The following CDYL2 variants were observed in gnomAD, a reference collection of about 807,000 sequenced individuals.
CDYL2 encodes chromodomain Y-like protein 2.
Under a neutral mutation model 49.4 loss-of-function variants are expected in CDYL2, and 23 were observed. The observed-to-expected ratio is 0.47, with a 90% CI of 0.34 to 0.66. The LOEUF (loss-of-function observed/expected upper bound fraction) is 0.66. Ranked by LOEUF, CDYL2 falls within the 30% of genes least tolerant of loss-of-function variation. The probability of loss-of-function intolerance (pLI) is 0.01; values close to 1 mark genes in which losing one functional copy is unlikely to be tolerated. For missense variants in CDYL2, 678 were observed against 656.4 expected, an observed-to-expected ratio of 1.03 and a Z score of -0.36; for synonymous variants, 360 against 268.8, an observed-to-expected ratio of 1.34 and a Z score of -3.32.
intron 1 of CDYL2, among the ~76,000 whole-genome samples, chr16:80,704,587 C>T (rs958754249): frequency 2.0e-5 from 3 of 152,196 alleles, no homozygotes; most frequent in African/African-American, 7.2e-5. Flanking sequence ...TACAAGGTAG[C>T]CAACCTGGTC....
intron 1 of CDYL2, among the ~76,000 whole-genome samples, chr16:80,801,953 CTA>C (rs1461337984): frequency 6.6e-6 from 1 of 152,110 alleles, no homozygotes; most frequent in African/African-American, 2.4e-5. Context: ...TTAGTAATGA[CTA>C]TGCAAATAAT....
chr16:80,707,335 G>A (rs1053037730), intron 1 of CDYL2, among the ~76,000 whole-genome samples: 3 of 151,946 alleles, frequency 2.0e-5, no homozygotes, highest in African/African-American at 4.8e-5. Flanking sequence ...TGGGGCTGGC[G>A]TGTGTCTGTC....
intron 6 of CDYL2, among the ~76,000 whole-genome samples, chr16:80,607,498 G>A (rs1029912564): frequency 6.6e-6 from 1 of 152,190 alleles, no homozygotes; most frequent in African/African-American, 2.4e-5. Flanking sequence ...GGCCGCAGGA[G>A]TGGCCTTGTC....
At position 80,804,338 on chromosome 16, in the gene CDYL2, G is replaced by A. The variant is rs1352053368; in HGVS notation, c.-165C>T. The A allele has an allele frequency of 7.9e-6, 3 of 378,256 alleles. No individual in the cohort carries two copies. Among genetic ancestry groups the A allele is most frequent in the Non-Finnish European group, 1.2e-5 (3 of 246,688 alleles). The allele number at this position is 378,256 out of a possible 1,614,324, so 23.4% of individuals were successfully genotyped here. A position where few individuals can be genotyped will look rare whatever the true frequency, so the allele number is the denominator to read the frequency against. On this transcript the variant is annotated 5_prime_UTR_variant, in exon 1 of 7. Transcript: ENST00000570137. ...TTTTTGCAGAATGACAGGCTTGGGG[G>A]CTGCCTATGCGCAGAATCAGAGCGG...
intron 1 of CDYL2, among the ~76,000 whole-genome samples, chr16:80,689,896 G>A (rs554026401): frequency 1.4e-4 from 22 of 152,174 alleles, no homozygotes; most frequent in Non-Finnish European, 2.6e-4. Flanking sequence ...TGAGGTGGCC[G>A]GATCACCTGA....
intron 2 of CDYL2, among the ~76,000 whole-genome samples, chr16:80,682,201 G>C (rs987999651): frequency 1.3e-5 from 2 of 152,116 alleles, no homozygotes; most frequent in African/African-American, 4.8e-5. Context: ...TTAAGCAAAA[G>C]GGCCCTTTTG....
intron 1 of CDYL2, among the ~76,000 whole-genome samples, chr16:80,766,771 T>C (rs1305776760): frequency 6.6e-6 from 1 of 152,022 alleles, no homozygotes; most frequent in Non-Finnish European, 1.5e-5. Flanking sequence ...AAAAAGAAAG[T>C]GTAAAAAGCA....
At chr16:80,679,777 C>T in intron 2 of CDYL2, 1 of 456,128 alleles carries the variant, frequency 2.2e-6, no homozygotes, top group Non-Finnish European at 4.4e-6. Context: ...TCTCCGCCAT[C>T]TTGGAGCTCA....
intron 1 of CDYL2, among the ~76,000 whole-genome samples, chr16:80,690,809 C>T (rs1406924680): frequency 1.3e-5 from 2 of 152,150 alleles, no homozygotes; most frequent in African/African-American, 2.4e-5. Flanking sequence ...AGCCACAGGG[C>T]CTCCTCTCCC....
chr16:80,746,850 C>T (rs998654694), intron 1 of CDYL2, among the ~76,000 whole-genome samples: 1 of 152,136 alleles, frequency 6.6e-6, no homozygotes, highest in Non-Finnish European at 1.5e-5. Flanking sequence ...ACTGAGCAGA[C>T]TTTAACAACT....
chr16:80,630,611 C>A (rs758275958), intron 3 of CDYL2, among the ~76,000 whole-genome samples: 1 of 152,082 alleles, frequency 6.6e-6, no homozygotes, highest in African/African-American at 2.4e-5. Flanking sequence ...GAGGTCTACA[C>A]AGCAGAGAAC....
At chr16:80,696,855 G>A (rs1052005421) in intron 1 of CDYL2, among the ~76,000 whole-genome samples, 2 of 152,112 alleles carry the variant, frequency 1.3e-5, no homozygotes, top group Non-Finnish European at 2.9e-5. Flanking sequence ...GGAGGGCCCA[G>A]GCATGGTGTC....
chr16:80,712,052 G>C (rs560786955), intron 1 of CDYL2, among the ~76,000 whole-genome samples: 1 of 148,998 alleles, frequency 6.7e-6, no homozygotes, highest in Non-Finnish European at 1.5e-5. Context: ...TGTGTATATA[G>C]ATGTGTGTGT....
At chr16:80,712,187 G>GTATATATATATATATATATATATATA (rs1464649825) in intron 1 of CDYL2, among the ~76,000 whole-genome samples, 7 of 38,088 alleles carry the variant, frequency 1.8e-4, no homozygotes, top group South Asian at 8.5e-4. Context: ...TTGTGTCTGT[G>GTATATATATATATATATATATATATA]TGTGTATATA....
chr16:80,618,653 G>A (rs1224725824), intron 4 of CDYL2, among the ~76,000 whole-genome samples: 4 of 152,114 alleles, frequency 2.6e-5, no homozygotes, highest in Non-Finnish European at 5.9e-5. Flanking sequence ...CATGCAAGAA[G>A]GATCCCCACG....
intron 1 of CDYL2, among the ~76,000 whole-genome samples, chr16:80,748,149 T>C (rs1457222242): frequency 4.1e-5 from 6 of 146,636 alleles, no homozygotes; most frequent in African/African-American, 1.5e-4. Context: ...ATAATAATAA[T>C]AATAATAATA....
chr16:80,604,884 C>T (rs1019267664), intron 6 of CDYL2, among the ~76,000 whole-genome samples: 2 of 152,186 alleles, frequency 1.3e-5, no homozygotes, highest in East Asian at 1.9e-4. Context: ...TTTAACCTCC[C>T]GTGATTCATT....
intron 2 of CDYL2, chr16:80,639,844 C>T (rs1908003654): frequency 2.5e-6 from 1 of 399,814 alleles, no homozygotes; most frequent in African/African-American, 2.1e-5. Flanking sequence ...ATTGAACTCA[C>T]TGTTGTCCTG....
At chr16:80,622,037 A>G (rs1290564982) in intron 3 of CDYL2, among the ~76,000 whole-genome samples, 2 of 152,190 alleles carry the variant, frequency 1.3e-5, no homozygotes, top group Non-Finnish European at 2.9e-5. Flanking sequence ...GGGTCGTAAC[A>G]CTAGTCCAAG....
Sources: gnomAD v4.1 joint callset for allele counts (sites outside exome capture counted in the v4.1 genomes callset) on GRCh38, gnomAD v4.1.1 for gene constraint, MANE v1.5 for transcripts, NCBI Gene and HGNC (gene_info 2026-07-23, HGNC 2026-07-21) for gene names.